The following PDGFD variants were observed in gnomAD, a reference collection of about 807,000 sequenced individuals.
The protein encoded by PDGFD is platelet derived growth factor D.
PDGFD carries 30 observed loss-of-function variants against 44.7 expected under a neutral mutation model. That is an observed-to-expected ratio of 0.67 (90% CI 0.50 to 0.91). The LOEUF is 0.91. PDGFD is among the 40% of genes least tolerant of loss of function. PDGFD has a pLI of 0.00. For missense variants in PDGFD, 445 were observed against 457.8 expected (o/e 0.97, Z 0.25); for synonymous variants, 173 against 168.4 (o/e 1.03, Z -0.21).
At chr11:103,961,382 G>C (rs757238032) in intron 3 of PDGFD, among the ~76,000 whole-genome samples, 29 of 152,290 alleles carry the variant, frequency 1.9e-4, no homozygotes, top group Non-Finnish European at 3.1e-4. Flanking sequence ...TTCTACAGGA[G>C]AAAGAATGAT....
chr11:104,047,601 TA>T (rs1438383984), intron 1 of PDGFD, among the ~76,000 whole-genome samples: 1 of 147,458 alleles, frequency 6.8e-6, no homozygotes, highest in Non-Finnish European at 1.5e-5. Flanking sequence ...CAGGTTACAT[TA>T]TTTTTTAAAA....
chr11:104,104,626 C>T (rs1451645260), intron 1 of PDGFD, among the ~76,000 whole-genome samples: 1 of 152,076 alleles, frequency 6.6e-6, no homozygotes, highest in African/African-American at 2.4e-5. Context: ...CCATCTATAG[C>T]TTAGGCATGT....
chr11:103,974,307 G>A (rs1164197531), intron 3 of PDGFD, among the ~76,000 whole-genome samples: 1 of 152,026 alleles, frequency 6.6e-6, no homozygotes, highest in Non-Finnish European at 1.5e-5. Context: ...AACATTGGTG[G>A]AGCATCAAAC....
chr11:103,976,681 T>C (rs1859190264), intron 3 of PDGFD, among the ~76,000 whole-genome samples: 2 of 152,154 alleles, frequency 1.3e-5, no homozygotes, highest in South Asian at 4.1e-4. Flanking sequence ...TAAATAGCTC[T>C]TATTATTGAG....
intron 1 of PDGFD, among the ~76,000 whole-genome samples, chr11:104,044,550 T>A (rs1381723111): frequency 1.3e-5 from 2 of 152,192 alleles, no homozygotes; most frequent in African/African-American, 2.4e-5. Context: ...TTTCAATAAT[T>A]AGAATAAATA....
chr11:104,068,030 T>C (rs1204916488), intron 1 of PDGFD, among the ~76,000 whole-genome samples: 1 of 152,220 alleles, frequency 6.6e-6, no homozygotes, highest in Admixed American at 6.5e-5. Flanking sequence ...ACACTTGAAA[T>C]GTTAACACAT....
rs370520021 is a variant in PDGFD, at chr11:104,007,609, C to T, written c.125-7354G>A. Among the ~76,000 whole-genome samples the T allele has an allele frequency of 1.8e-4, 27 of 152,240 alleles. No homozygotes were observed. The South Asian group carries it at 5.6e-3, about 32-fold the overall frequency. ...TTTTTCTCTTGTCCCCATAAGACAGCCAGGAACCAATAGCATGACTGATAG... is the reference window on the plus strand; with the variant it reads ...TTTTTCTCTTGTCCCCATAAGACAGTCAGGAACCAATAGCATGACTGATAG... On this transcript the variant is annotated intron_variant, in intron 1 of 6. Transcript: ENST00000393158.
chr11:104,159,841 A>T (rs1022081777), intron 1 of PDGFD, among the ~76,000 whole-genome samples: 2 of 152,144 alleles, frequency 1.3e-5, no homozygotes, highest in Non-Finnish European at 2.9e-5. Context: ...AGCATCCTCC[A>T]CTACATAGTA....
chr11:103,943,901 T>C (rs774309282), intron 4 of PDGFD, among the ~76,000 whole-genome samples: 18 of 146,146 alleles, frequency 1.2e-4, no homozygotes, highest in Non-Finnish European at 2.4e-4. Context: ...CAGTTTATCT[T>C]AAGTGTAATC....
chr11:104,049,019 T>C (rs1304707974), intron 1 of PDGFD, among the ~76,000 whole-genome samples: 2 of 152,218 alleles, frequency 1.3e-5, no homozygotes, highest in African/African-American at 4.8e-5. Flanking sequence ...AGAGGTTGTG[T>C]CTTGTCAAGG....
chr11:103,965,730 A>G (rs1170919534), intron 3 of PDGFD, among the ~76,000 whole-genome samples: 1 of 152,162 alleles, frequency 6.6e-6, no homozygotes, highest in Non-Finnish European at 1.5e-5. Context: ...TGAATGTGCA[A>G]TTCATTGCCC....
chr11:104,053,618 A>T (rs903584471), intron 1 of PDGFD, among the ~76,000 whole-genome samples: 7 of 152,232 alleles, frequency 4.6e-5, no homozygotes, highest in African/African-American at 1.7e-4. Flanking sequence ...TATAAAACCA[A>T]ATTGCATTCA....
chr11:104,125,651 A>G (rs1861832285), intron 1 of PDGFD, among the ~76,000 whole-genome samples: 1 of 152,188 alleles, frequency 6.6e-6, no homozygotes, highest in Non-Finnish European at 1.5e-5. Flanking sequence ...GCTCTCCAGA[A>G]TGTCCCACTA....
At chr11:104,023,321 T>C (rs1361152277) in intron 1 of PDGFD, among the ~76,000 whole-genome samples, 1 of 152,172 alleles carries the variant, frequency 6.6e-6, no homozygotes, top group Non-Finnish European at 1.5e-5. Flanking sequence ...ATGTCAGCCA[T>C]CCTGGCTTTA....
chr11:103,977,189 G>C (rs1435934145), intron 3 of PDGFD, among the ~76,000 whole-genome samples: 1 of 151,996 alleles, frequency 6.6e-6, no homozygotes, highest in Non-Finnish European at 1.5e-5. Flanking sequence ...TGAAATTGAG[G>C]CAGTAATTAA....
At chr11:103,929,890 A>G (rs1448808565) in intron 5 of PDGFD, among the ~76,000 whole-genome samples, 1 of 152,114 alleles carries the variant, frequency 6.6e-6, no homozygotes, top group African/African-American at 2.4e-5. Flanking sequence ...CTAGAGTGAG[A>G]CTTCTGGGAG....
In PDGFD at chr11:104,078,947, T is replaced by C. The variant is rs372008209; in HGVS notation, c.125-78692A>G. The stretch of plus-strand genomic sequence containing the variant: ...ACCTGTATTAAAGAAAGCCTCCACT[T>C]AGCAATTGGGTAGGTTAACAAATGT... On this transcript the variant is annotated intron_variant, in intron 1 of 6. Transcript: ENST00000393158. Among the ~76,000 whole-genome samples the C allele has an allele frequency of 1.1e-3, 170 of 152,288 alleles. 4 individuals carry two copies. In the South Asian group the frequency reaches 0.034, roughly 31 times the overall value.
chr11:103,956,461 CA>C (rs1858851860), intron 3 of PDGFD, among the ~76,000 whole-genome samples: 2 of 46,672 alleles, frequency 4.3e-5, no homozygotes, highest in Admixed American at 2.9e-4. Context: ...CAGTCTATCA[CA>C]TAAGGACATT....
chr11:104,091,304 T>G (rs1434985781), intron 1 of PDGFD, among the ~76,000 whole-genome samples: 3 of 152,184 alleles, frequency 2.0e-5, no homozygotes, highest in Admixed American at 6.5e-5. Context: ...TCAGGAATTT[T>G]TTTTCTTTTA....
Sources: gnomAD v4.1 joint callset for allele counts (sites outside exome capture counted in the v4.1 genomes callset) on GRCh38, gnomAD v4.1.1 for gene constraint, MANE v1.5 for transcripts, NCBI Gene and HGNC (gene_info 2026-07-23, HGNC 2026-07-21) for gene names.